The following LRRC4C variants were observed in gnomAD, a reference collection of about 807,000 sequenced individuals.
LRRC4C encodes leucine rich repeat containing 4C, also known as leucine-rich repeat-containing protein 4C.
In LRRC4C, 5 loss-of-function variants were observed where a neutral mutation model predicts 33.6. The observed-to-expected ratio is 0.15, with a 90% CI of 0.08 to 0.31. The LOEUF (loss-of-function observed/expected upper bound fraction) is 0.31, where lower values mean the gene tolerates loss of function less well. Among genes scored for constraint, LRRC4C ranks in the 10% least tolerant of loss-of-function variants. The pLI, the probability that LRRC4C is intolerant of heterozygous loss-of-function variation, is 1.00. For missense variants in LRRC4C, 560 were observed against 796.7 expected (o/e 0.70, Z 3.58); for synonymous variants, 329 against 302.0 (o/e 1.09, Z -0.93).
At chr11:41,110,246 A>G (rs1296486422) in intron 1 of LRRC4C, among the ~76,000 whole-genome samples, 1 of 152,056 alleles carries the variant, frequency 6.6e-6, no homozygotes, top group East Asian at 1.9e-4. Context: ...ATATAAAGAC[A>G]TAATATTATT....
chr11:40,340,000 T>C (rs757272445), intron 3 of LRRC4C, among the ~76,000 whole-genome samples: 1 of 152,192 alleles, frequency 6.6e-6, no homozygotes, highest in Non-Finnish European at 1.5e-5. Context: ...ATGATTTTTA[T>C]CATTCTTCCT....
intron 3 of LRRC4C, among the ~76,000 whole-genome samples, chr11:40,510,192 T>C (rs1331059227): frequency 1.3e-5 from 2 of 148,880 alleles, no homozygotes; most frequent in East Asian, 3.9e-4. Flanking sequence ...CATATCTATG[T>C]GTATATATCT....
At chr11:40,288,515 T>A (rs1943992020) in intron 4 of LRRC4C, among the ~76,000 whole-genome samples, 1 of 152,098 alleles carries the variant, frequency 6.6e-6, no homozygotes, top group Non-Finnish European at 1.5e-5. Flanking sequence ...GGAAAACAGG[T>A]CCCTAGAAGA....
intron 1 of LRRC4C, among the ~76,000 whole-genome samples, chr11:41,437,075 C>T (rs1955452803): frequency 6.6e-6 from 1 of 152,138 alleles, no homozygotes; most frequent in Admixed American, 6.6e-5. Flanking sequence ...ATTACTGTTA[C>T]TAAATGTAAC....
At chr11:40,585,262 A>G (rs1414091674) in intron 3 of LRRC4C, among the ~76,000 whole-genome samples, 1 of 151,728 alleles carries the variant, frequency 6.6e-6, no homozygotes, top group Non-Finnish European at 1.5e-5. Context: ...AAGACTAGAT[A>G]GCTTCCTCTG....
At chr11:40,433,852 C>A (rs983216336) in intron 3 of LRRC4C, among the ~76,000 whole-genome samples, 2 of 152,074 alleles carry the variant, frequency 1.3e-5, no homozygotes, top group East Asian at 1.9e-4. Flanking sequence ...GAGAAGAAAG[C>A]ATTTAAAGTA....
At chr11:40,889,776 A>G (rs529070861) in intron 2 of LRRC4C, among the ~76,000 whole-genome samples, 24 of 152,240 alleles carry the variant, frequency 1.6e-4, no homozygotes, top group South Asian at 1.5e-3. Flanking sequence ...TTAAACTTAG[A>G]TAAGTTACCC....
At chr11:41,306,616 G>C (rs1950512682) in intron 1 of LRRC4C, among the ~76,000 whole-genome samples, 1 of 152,178 alleles carries the variant, frequency 6.6e-6, no homozygotes, top group Non-Finnish European at 1.5e-5. Context: ...GCATGCTAAA[G>C]GGGGAAGTTC....
rs373283052 is a variant in LRRC4C, at chr11:40,640,740, C to G, written c.-270+7402G>C. Among the ~76,000 whole-genome samples the G allele has an allele frequency of 7.2e-5, 11 of 152,144 alleles. No individual in the cohort carries two copies. The East Asian group carries it at 2.1e-3, about 29-fold the overall frequency. ...AGAATACATGGCAAATTTGGCCAGG[C>G]GCCATGGCTCACGCCTGTAATCCCA... On this transcript the variant is annotated intron_variant, in intron 3 of 6. Coordinates refer to ENST00000528697, the MANE Select transcript of LRRC4C (RefSeq NM_001258419.2).
intron 1 of LRRC4C, among the ~76,000 whole-genome samples, chr11:41,297,633 T>A (rs1950179165): frequency 6.6e-6 from 1 of 152,182 alleles, no homozygotes; most frequent in African/African-American, 2.4e-5. Context: ...ATTAACCACA[T>A]TTCTACTAAC....
intron 1 of LRRC4C, among the ~76,000 whole-genome samples, chr11:41,225,630 CTTTAT>C (rs1280429233): frequency 1.3e-5 from 2 of 151,372 alleles, no homozygotes; most frequent in African/African-American, 4.9e-5. Context: ...AAGACCCTGT[CTTTAT>C]TTTATTTATA....
intron 2 of LRRC4C, among the ~76,000 whole-genome samples, chr11:40,649,128 A>G (rs1336834617): frequency 6.6e-6 from 1 of 152,194 alleles, no homozygotes; most frequent in Non-Finnish European, 1.5e-5. Flanking sequence ...GTCTTGATAA[A>G]CATCTTAAAC....
At chr11:40,410,764 A>G (rs568603367) in intron 3 of LRRC4C, among the ~76,000 whole-genome samples, 4 of 152,256 alleles carry the variant, frequency 2.6e-5, no homozygotes, top group Non-Finnish European at 5.9e-5. Flanking sequence ...AACGGAATCC[A>G]GTAACGTAGG....
intron 3 of LRRC4C, among the ~76,000 whole-genome samples, chr11:40,552,371 CCCAAGT>C (rs1957159720): frequency 6.6e-6 from 1 of 152,168 alleles, no homozygotes; most frequent in Non-Finnish European, 1.5e-5. Context: ...GTTTTATATG[CCCAAGT>C]CCAAGTTGTC....
At chr11:40,388,606 G>C (rs1367221799) in intron 3 of LRRC4C, among the ~76,000 whole-genome samples, 1 of 152,150 alleles carries the variant, frequency 6.6e-6, no homozygotes, top group Admixed American at 6.6e-5. Flanking sequence ...CAGCATCATC[G>C]TGTGAGTAAG....
intron 1 of LRRC4C, among the ~76,000 whole-genome samples, chr11:40,941,640 A>G (rs1958149424): frequency 6.6e-6 from 1 of 152,176 alleles, no homozygotes; most frequent in Non-Finnish European, 1.5e-5. Context: ...ATTGATTGAT[A>G]GTGCTACCTG....
intron 1 of LRRC4C, among the ~76,000 whole-genome samples, chr11:41,214,227 G>C (rs1394142168): frequency 6.6e-6 from 1 of 152,074 alleles, no homozygotes; most frequent in Non-Finnish European, 1.5e-5. Flanking sequence ...TACTCAGAAT[G>C]AGTTATGACA....
chr11:40,893,558 T>C (rs746139670), intron 2 of LRRC4C, among the ~76,000 whole-genome samples: 29 of 152,136 alleles, frequency 1.9e-4, no homozygotes, highest in Admixed American at 3.9e-4. Context: ...TAAGTATCCA[T>C]ACTAATTAGA....
At chr11:40,228,034 G>A (rs1565159754) in intron 5 of LRRC4C, among the ~76,000 whole-genome samples, 1 of 152,112 alleles carries the variant, frequency 6.6e-6, no homozygotes. Flanking sequence ...AAAAGTCAAA[G>A]GAAAGATTCA....
Sources: gnomAD v4.1 joint callset for allele counts (sites outside exome capture counted in the v4.1 genomes callset) on GRCh38, gnomAD v4.1.1 for gene constraint, MANE v1.5 for transcripts, NCBI Gene and HGNC (gene_info 2026-07-23, HGNC 2026-07-21) for gene names.